SMARCA4: variants seen among roughly 807,000 people sequenced by gnomAD.
SMARCA4 encodes the protein SWI/SNF related BAF chromatin remodeling complex subunit ATPase 4, also known as SWI/SNF-related matrix-associated actin-dependent regulator of chromatin subfamily A member 4.
In SMARCA4, 31 loss-of-function variants were observed where a neutral mutation model predicts 193.9. The observed-to-expected ratio is 0.16, with a 90% CI of 0.12 to 0.22. The LOEUF is 0.22. Ranked by LOEUF, SMARCA4 falls within the 10% of genes least tolerant of loss-of-function variation. SMARCA4 has a pLI of 1.00. For synonymous variants in SMARCA4, 942 were observed against 933.1 expected, an observed-to-expected ratio of 1.01 and a Z score of -0.17; for missense variants, 1,148 against 2,296.0, an observed-to-expected ratio of 0.50 and a Z score of 10.22.
Position 11,041,228 on chromosome 19 carries a change from G to T in SMARCA4, c.4171-79G>T. 6.8e-7 allele frequency: 1 copy of T among 1,480,530 alleles called. No homozygotes were observed. The highest frequency in any genetic ancestry group is 1.3e-5 in the South Asian group (1 of 79,646). 91.7% of individuals were successfully genotyped at this position (1,480,530 alleles called of 1,614,324 possible). A position where few individuals can be genotyped will look rare whatever the true frequency, so the allele number is the denominator to read the frequency against. The stretch of plus-strand genomic sequence containing the variant: ...GGGGCCCTCCTCCGTGTCCCAGCCC[G>T]GCCCCTGGGATTGCGTCGCGGCCTC... On this transcript the variant is annotated intron_variant, in intron 29 of 34. Transcript: ENST00000344626. The surrounding 1 kb of genome is among the most constrained non-coding windows in gnomAD (Gnocchi z 5.6).
At chr19:10,994,370 C>G (rs2086828818) in intron 8 of SMARCA4, among the ~76,000 whole-genome samples, 1 of 142,020 alleles carries the variant, frequency 7.0e-6, no homozygotes, top group African/African-American at 2.7e-5. Flanking sequence ...GTTGCCCAGG[C>G]TGGAGCACAG....
At position 11,031,083 on chromosome 19, in the gene SMARCA4, A is replaced by G. The variant is rs982219362; in HGVS notation, c.3546+190A>G. On this transcript the variant is annotated intron_variant, in intron 25 of 34. Coordinates refer to ENST00000344626, the MANE Select transcript of SMARCA4 (RefSeq NM_003072.5). The surrounding 1 kb of genome is among the most constrained non-coding windows in gnomAD (Gnocchi z 4.3). ...AGAGGCGGGGTCCTCCTGTTTCCCA[A>G]AATACAAACAGCCTTTCCCTCTGAT... 8 of 644,730 alleles carry G rather than the reference A, an allele frequency of 1.2e-5. No individual in the cohort carries two copies. Among genetic ancestry groups the G allele is most frequent in the Non-Finnish European group, 2.2e-5 (8 of 356,626 alleles). The allele number at this position is 644,730 out of a possible 1,614,324, so 39.9% of individuals were successfully genotyped here. A position where few individuals can be genotyped will look rare whatever the true frequency, so the allele number is the denominator to read the frequency against.
At position 10,991,220 on chromosome 19, in the gene SMARCA4, A is replaced by G; in HGVS notation, c.1316A>G (p.Tyr439Cys). The G allele has an allele frequency of 6.2e-7, 1 of 1,613,954 alleles. No individual in the cohort carries two copies. Among genetic ancestry groups the G allele is most frequent in the Non-Finnish European group, 8.5e-7 (1 of 1,180,024 alleles). Reference sequence around the variant, plus strand: ...GAGACAGCCCTCAATGCTAAGGCCTACAAGCGCAGCAAGCGCCAGTCCCTG... The same window carrying G: ...GAGACAGCCCTCAATGCTAAGGCCTGCAAGCGCAGCAAGCGCCAGTCCCTG... ...ALETALNAKA[Y>C]KRSKRQSLRE... Residue 439 changes from tyrosine (Y) to cysteine (C), a missense_variant, in exon 8 of 35, where the codon TAC becomes TGC. Physicochemically the swap from Tyr to Cys is radical, Grantham distance 194 (BLOSUM62 -2). This residue lies in a region of SMARCA4 where 69 missense variants were observed against 186.9 expected (regional missense o/e 0.37). Transcript: ENST00000344626.
In SMARCA4 at chr19:11,030,687, C is replaced by G. The variant is rs755520089; in HGVS notation, c.3383-43C>G. On this transcript the variant is annotated intron_variant, in intron 24 of 34. Transcript: ENST00000344626. The surrounding 1 kb of genome is among the most constrained non-coding windows in gnomAD (Gnocchi z 5.5). ...GTTCCTTGGTGTCCCCACTCTACCCCTGAGGTCACCCCGCTGACCCTGTTC... is the reference window on the plus strand; with the variant it reads ...GTTCCTTGGTGTCCCCACTCTACCCGTGAGGTCACCCCGCTGACCCTGTTC... 1.9e-6 allele frequency: 3 copies of G among 1,583,576 alleles called. No individual in the cohort carries two copies. The highest frequency in any genetic ancestry group is 2.6e-6 in the Non-Finnish European group (3 of 1,161,964).
At chr19:11,053,679 G>A (rs918137007) in intron 30 of SMARCA4, among the ~76,000 whole-genome samples, 1 of 152,150 alleles carries the variant, frequency 6.6e-6, no homozygotes, top group Non-Finnish European at 1.5e-5. Context: ...GGAGGCTGAT[G>A]TGGGAGGATC....
At chr19:10,966,596 C>T (rs553338446) in intron 1 of SMARCA4, among the ~76,000 whole-genome samples, 4 of 151,880 alleles carry the variant, frequency 2.6e-5, no homozygotes, top group East Asian at 1.9e-4. Flanking sequence ...TTAAAAAAGC[C>T]GGGGGTTGGG....
At position 10,961,481 on chromosome 19, in the gene SMARCA4, C is replaced by G. The variant is rs865830064; in HGVS notation, c.-32+307C>G. The G allele has an allele frequency of 2.6e-5, 4 of 152,216 alleles. No homozygotes were observed. In the East Asian group the frequency reaches 7.7e-4, roughly 29 times the overall value. The allele number at this position is 152,216 out of a possible 1,614,324, so 9.4% of individuals were successfully genotyped here. On this transcript the variant is annotated intron_variant, in intron 1 of 34. Transcript: ENST00000344626. ...GGGTCGCCGGACAAAGCTCGCCCCC[C>G]TCGCCCGGCACCCCTACAGTCGCCC...
intron 1 of SMARCA4, among the ~76,000 whole-genome samples, chr19:10,982,789 C>T (rs531643863): frequency 1.3e-5 from 2 of 152,226 alleles, no homozygotes; most frequent in South Asian, 2.1e-4. Flanking sequence ...CAGGCGTGAG[C>T]CACCGCGCCT....
chr19:11,005,588 T>TA (rs766973510), intron 13 of SMARCA4, among the ~76,000 whole-genome samples: 19 of 152,222 alleles, frequency 1.2e-4, no homozygotes, highest in Admixed American at 2.6e-4. Flanking sequence ...CAGCCAGTGA[T>TA]ACGCTTTTCC....
chr19:10,991,122 C>T (rs372492948), intron 7 of SMARCA4, 28 bp from the exon 8 acceptor site: 19 of 1,612,280 alleles, frequency 1.2e-5, no homozygotes, highest in Non-Finnish European at 1.6e-5. Context: ...CTGTGCAGTG[C>T]GCGGGCTTGT....
chr19:11,055,538 G>T (rs928595044), intron 30 of SMARCA4, among the ~76,000 whole-genome samples: 1 of 151,920 alleles, frequency 6.6e-6, no homozygotes, highest in Admixed American at 6.6e-5. Flanking sequence ...TAGCCTGATG[G>T]AGGTGGCTGT....
chr19:11,001,117 A>G (rs1332674339), intron 11 of SMARCA4, among the ~76,000 whole-genome samples: 1 of 152,032 alleles, frequency 6.6e-6, no homozygotes, highest in East Asian at 1.9e-4. Context: ...TCCAGTGATG[A>G]GGTCATGGCT....
intron 1 of SMARCA4, among the ~76,000 whole-genome samples, chr19:10,979,013 C>T (rs1020867104): frequency 6.6e-6 from 1 of 151,944 alleles, no homozygotes; most frequent in Non-Finnish European, 1.5e-5. Context: ...AAAGGTGCTC[C>T]GTGCCATTAG....
chr19:11,023,468 C>A (rs746998540), intron 19 of SMARCA4, 50 bp from the exon 20 acceptor site: 2 of 1,183,966 alleles, frequency 1.7e-6, no homozygotes, highest in Non-Finnish European at 2.5e-6. Flanking sequence ...AGACCTCTGT[C>A]GCCCTCCTTT....
chr19:10,993,349 C>T (rs888185029), intron 8 of SMARCA4, among the ~76,000 whole-genome samples: 1 of 152,196 alleles, frequency 6.6e-6, no homozygotes, highest in East Asian at 1.9e-4. Context: ...TATTCCATTT[C>T]TATGTGTCCA....
chr19:10,985,434 T>A lies in SMARCA4; in HGVS notation c.355+29T>A, dbSNP rs2145754373. ...CAGAACTGCGTTCCTTCCTGCCTTG[T>A]GTTTGTCATACTCCAGAGTCCTCAG... On this transcript the variant is annotated intron_variant, in intron 3 of 34. Coordinates refer to ENST00000344626, the MANE Select transcript of SMARCA4 (RefSeq NM_003072.5). The surrounding 1 kb of genome is among the most constrained non-coding windows in gnomAD (Gnocchi z 4.5). 1 of 1,612,174 alleles carries A rather than the reference T, an allele frequency of 6.2e-7. No homozygotes were observed. Among genetic ancestry groups the A allele is most frequent in the Non-Finnish European group, 8.5e-7 (1 of 1,179,408 alleles).
rs1060502063 is a variant in SMARCA4, at chr19:10,991,247, G to A, written c.1343G>A (p.Arg448His). ...AYKRSKRQSLREARITEKLEK... is the reference protein window; with the variant it reads ...AYKRSKRQSLHEARITEKLEK... Reference sequence around the variant, plus strand: ...AAGCGCAGCAAGCGCCAGTCCCTGCGCGAGGCCCGCATCACTGAGAAGCTG... The same window carrying A: ...AAGCGCAGCAAGCGCCAGTCCCTGCACGAGGCCCGCATCACTGAGAAGCTG... The change falls in exon 8 of 35, where the codon CGC becomes CAC. Residue 448 changes from arginine (R) to histidine (H), a missense_variant. Physicochemically the swap from Arg to His is conservative, Grantham distance 29. Transcript: ENST00000344626. 6.2e-7 allele frequency: 1 copy of A among 1,612,920 alleles called. No homozygotes were observed. Among genetic ancestry groups the A allele is most frequent in the Non-Finnish European group, 8.5e-7 (1 of 1,179,702 alleles).
rs1477506632 is a variant in SMARCA4, at chr19:10,984,382, C to A, written c.222+9C>A. Reference sequence around the variant, plus strand: ...TGCACCAGATGCACAAGGTAGGGATCCCTGTGCCCGCCTCGCACCTGCGGC... The same window carrying A: ...TGCACCAGATGCACAAGGTAGGGATACCTGTGCCCGCCTCGCACCTGCGGC... On this transcript the variant is annotated intron_variant, in intron 2 of 34. Transcript: ENST00000344626. This position sits in a 1 kb window ranked among gnomAD's most constrained non-coding sequence, Gnocchi z 4.3. The A allele has an allele frequency of 1.9e-6, 3 of 1,571,466 alleles. No individual in the cohort carries two copies. Among genetic ancestry groups the A allele is most frequent in the Non-Finnish European group, 2.6e-6 (3 of 1,158,280 alleles).
intron 1 of SMARCA4, among the ~76,000 whole-genome samples, chr19:10,972,656 C>T (rs191841502): frequency 5.5e-4 from 83 of 152,286 alleles, no homozygotes; most frequent in Non-Finnish European, 9.3e-4. Context: ...TCTGCATCTC[C>T]CTGCCCACTC....
Sources: allele counts gnomAD v4.1 joint callset (sites outside exome capture counted in the v4.1 genomes callset), GRCh38; gene constraint gnomAD v4.1.1; regional missense constraint gnomAD v4.1.1; non-coding constraint Gnocchi (gnomAD v3.1); transcripts MANE v1.5; gene names NCBI Gene and HGNC (gene_info 2026-07-23, HGNC 2026-07-21).